The following GNA12 variants were observed in gnomAD, a reference collection of about 807,000 sequenced individuals.
GNA12 encodes the protein G protein subunit alpha 12.
Under a neutral mutation model 26.0 loss-of-function variants are expected in GNA12, and 9 were observed. The observed-to-expected ratio is 0.35, with a 90% CI of 0.21 to 0.60. The LOEUF (loss-of-function observed/expected upper bound fraction) is 0.60, where lower values mean the gene tolerates loss of function less well. Ranked by LOEUF, GNA12 falls within the 20% of genes least tolerant of loss-of-function variation. The pLI is 0.78. For missense variants in GNA12, 405 were observed against 525.8 expected (o/e 0.77, Z 2.25); for synonymous variants, 264 against 219.6 (o/e 1.20, Z -1.79).
chr7:2,759,908 G>A (rs7809463), intron 2 of GNA12, among the ~76,000 whole-genome samples: 1,831 of 152,234 alleles, frequency 0.012, 41 homozygotes, highest in African/African-American at 0.042. Flanking sequence ...GAAAAGCTCC[G>A]CTCCCTGCTT....
rs749900591 is a variant in GNA12, at chr7:2,731,221, G to C, written c.1106C>G (p.Thr369Ser). 1.2e-6 allele frequency: 2 copies of C among 1,613,328 alleles called. No homozygotes were observed. The highest frequency in any genetic ancestry group is 8.5e-7 in the Non-Finnish European group (1 of 1,179,680). ...VRFVFHAVKD[T>S]ILQENLKDIM... ...GTCCTTCAGGTTCTCCTGCAGGATG[G>C]TGTCTTTCACAGCATGGAACACGAA... is the stretch of plus-strand genomic sequence containing the variant. The change falls in exon 4 of 4, where the codon ACC becomes AGC. Residue 369 changes from threonine to serine, a missense_variant. Transcript: ENST00000275364. The surrounding 1 kb of genome is among the most constrained non-coding windows in gnomAD (Gnocchi z 6.0).
intron 2 of GNA12, among the ~76,000 whole-genome samples, chr7:2,747,764 T>C (rs1278200513): frequency 3.3e-5 from 5 of 152,194 alleles, no homozygotes; most frequent in South Asian, 2.1e-4. Flanking sequence ...TTGTATATTA[T>C]CTAGAAAACC....
At chr7:2,771,754 T>G (rs574814437) in intron 2 of GNA12, among the ~76,000 whole-genome samples, 6 of 152,216 alleles carry the variant, frequency 3.9e-5, no homozygotes, top group African/African-American at 1.4e-4. Flanking sequence ...GTGCAAGTCT[T>G]TGTGTGGACA....
chr7:2,756,957 C>T (rs575725739), intron 2 of GNA12, among the ~76,000 whole-genome samples: 2 of 152,054 alleles, frequency 1.3e-5, no homozygotes, highest in East Asian at 3.9e-4. Flanking sequence ...GCCTGTAGTT[C>T]CAGCTACTCA....
chr7:2,758,658 C>G (rs1218768478), intron 2 of GNA12, among the ~76,000 whole-genome samples: 1 of 152,184 alleles, frequency 6.6e-6, no homozygotes, highest in African/African-American at 2.4e-5. Context: ...CCCCACAGCA[C>G]ACTTGGAGGA....
rs201962977 is a variant in GNA12, at chr7:2,731,549, C to T, written c.778G>A (p.Val260Ile). Residue 260 changes from valine (V) to isoleucine (I), a missense_variant, in exon 4 of 4, where the codon GTC (valine) becomes ATC (isoleucine). Val to Ile is a conservative substitution (Grantham distance 29, BLOSUM62 3). Coordinates refer to ENST00000275364, the MANE Select transcript of GNA12 (RefSeq NM_007353.3). This position sits in a 1 kb window ranked among gnomAD's most constrained non-coding sequence, Gnocchi z 6.0. ...TTGGTGCGCCTGTCCTCCATGAGGA[C>T]CTGGTCGTACTCGCTGGAGGAGACC... ...FMVSSSEYDQ[V>I]LMEDRRTNRL... is the part of the protein sequence containing the mutation. 11 of 1,611,024 alleles carry T rather than the reference C, an allele frequency of 6.8e-6. No homozygotes were observed. In the East Asian group the frequency reaches 1.6e-4, roughly 23 times the overall value.
intron 2 of GNA12, among the ~76,000 whole-genome samples, chr7:2,735,881 T>C (rs565878478): frequency 6.6e-6 from 1 of 152,076 alleles, no homozygotes; most frequent in Admixed American, 6.5e-5. Flanking sequence ...AGCTCTCTAA[T>C]GGGGGCTGGA....
intron 2 of GNA12, among the ~76,000 whole-genome samples, chr7:2,785,892 C>T (rs776700539): frequency 1.7e-4 from 26 of 151,986 alleles, no homozygotes; most frequent in Non-Finnish European, 7.4e-5. Flanking sequence ...ACTAAAAATA[C>T]GAAAAATAAA....
chr7:2,831,861 C>T (rs1056241684), intron 1 of GNA12, among the ~76,000 whole-genome samples: 1 of 152,170 alleles, frequency 6.6e-6, no homozygotes, highest in African/African-American at 2.4e-5. Flanking sequence ...ACATCTGAAC[C>T]AGCTATTCCC....
intron 2 of GNA12, among the ~76,000 whole-genome samples, chr7:2,772,092 GTCCTTT>G (rs1031549461): frequency 6.6e-6 from 1 of 152,250 alleles, no homozygotes; most frequent in African/African-American, 2.4e-5. Flanking sequence ...CAAATCTTTT[GTCCTTT>G]TAAAAAAATT....
chr7:2,777,504 G>C (rs1792107627), intron 2 of GNA12, among the ~76,000 whole-genome samples: 1 of 152,152 alleles, frequency 6.6e-6, no homozygotes, highest in Non-Finnish European at 1.5e-5. Context: ...ATGGTATCTG[G>C]AGGTGGGGTC....
At chr7:2,822,662 AT>A (rs1793394603) in intron 1 of GNA12, among the ~76,000 whole-genome samples, 3 of 152,160 alleles carry the variant, frequency 2.0e-5, no homozygotes, top group Non-Finnish European at 1.5e-5. Context: ...CTACAGAAAA[AT>A]TAGCCAGGCG....
chr7:2,773,579 C>T (rs577513594), intron 2 of GNA12, among the ~76,000 whole-genome samples: 1 of 152,182 alleles, frequency 6.6e-6, no homozygotes, highest in South Asian at 2.1e-4. Flanking sequence ...AACAAACAAA[C>T]AAAACCAGAA....
intron 1 of GNA12, among the ~76,000 whole-genome samples, chr7:2,836,277 G>T (rs183896072): frequency 6.0e-4 from 91 of 152,306 alleles, no homozygotes; most frequent in Non-Finnish European, 1.0e-3. Flanking sequence ...AAAAGACCAG[G>T]ATGATGGAGA....
chr7:2,799,904 A>AC (rs900043458), intron 1 of GNA12, among the ~76,000 whole-genome samples: 30 of 152,254 alleles, frequency 2.0e-4, no homozygotes, highest in African/African-American at 6.7e-4. Flanking sequence ...GGAGGCGGAG[A>AC]CCCCGGACCT....
At chr7:2,773,553 C>G (rs1263479458) in intron 2 of GNA12, among the ~76,000 whole-genome samples, 1 of 152,150 alleles carries the variant, frequency 6.6e-6, no homozygotes, top group African/African-American at 2.4e-5. Flanking sequence ...CAGAGTGAGA[C>G]TCAGTCTCAA....
intron 2 of GNA12, among the ~76,000 whole-genome samples, chr7:2,758,629 C>A (rs550017337): frequency 2.6e-5 from 4 of 152,276 alleles, no homozygotes; most frequent in Middle Eastern, 3.4e-3. Context: ...GGGGGAACCC[C>A]TGAAAGGGTC....
chr7:2,835,846 A>G (rs1778822137), intron 1 of GNA12: 1 of 621,898 alleles, frequency 1.6e-6, no homozygotes, highest in Admixed American at 2.3e-5. Context: ...TGATGTCTTC[A>G]TTAGCCATTC....
chr7:2,777,076 C>A (rs1451576787), intron 2 of GNA12, among the ~76,000 whole-genome samples: 1 of 152,140 alleles, frequency 6.6e-6, no homozygotes, highest in Non-Finnish European at 1.5e-5. Flanking sequence ...GTAAATACAG[C>A]CCCCTAGTCC....
Sources: allele counts gnomAD v4.1 joint callset (sites outside exome capture counted in the v4.1 genomes callset), GRCh38; gene constraint gnomAD v4.1.1; non-coding constraint Gnocchi (gnomAD v3.1); transcripts MANE v1.5; gene names NCBI Gene and HGNC (gene_info 2026-07-23, HGNC 2026-07-21).